The following FAM149A variants were observed in gnomAD, a reference collection of about 807,000 sequenced individuals.
FAM149A encodes the protein family with sequence similarity 149 member A, also known as protein FAM149A.
FAM149A carries 71 observed loss-of-function variants against 78.2 expected under a neutral mutation model. The ratio of observed to expected loss-of-function variants is 0.91; its 90% confidence interval spans 0.75 to 1.11. The LOEUF (loss-of-function observed/expected upper bound fraction) is 1.11. Among genes scored for constraint, FAM149A ranks in the 50% least tolerant of loss-of-function variants. The probability of loss-of-function intolerance (pLI) is 0.00; values close to 1 mark genes in which losing one functional copy is unlikely to be tolerated. For missense variants in FAM149A, 1,036 were observed against 971.0 expected (o/e 1.07, Z -0.89); for synonymous variants, 446 against 410.5 (o/e 1.09, Z -1.04).
rs1473123959 is a variant in FAM149A at position 186,145,111 on chromosome 4, G to A, written c.567-4062G>A. 3.0e-6 allele frequency: 3 copies of A among 985,438 alleles called. No homozygotes were observed. The African/African-American group carries it at 5.2e-5, about 17-fold the overall frequency. The allele number at this position is 985,438 out of a possible 1,614,324, so 61.0% of individuals were successfully genotyped here. On this transcript the variant is annotated intron_variant, in intron 1 of 13. Coordinates refer to ENST00000389354, the MANE Select transcript of FAM149A (RefSeq NM_001367768.3). The stretch of plus-strand genomic sequence containing the variant: ...CACAGGCCCGGGGCTGATCGTAATC[G>A]GGTGAGTCTCATCCGGCAGCAGGGC...
chr4:186,123,586 G>GT (rs1223409435), intron 1 of FAM149A, among the ~76,000 whole-genome samples: 2 of 152,220 alleles, frequency 1.3e-5, no homozygotes, highest in Non-Finnish European at 2.9e-5. Flanking sequence ...CAAGCTCGGT[G>GT]TTTTTTGTGA....
chr4:186,170,524 C>T (rs552494160), intron 13 of FAM149A, among the ~76,000 whole-genome samples: 61 of 152,308 alleles, frequency 4.0e-4, no homozygotes, highest in African/African-American at 1.3e-3. Context: ...CTGTCCGGGG[C>T]CAACCCCCGC....
chr4:186,125,369 T>TGTGGCTC, intron 1 of FAM149A: 1 of 978,122 alleles, frequency 1.0e-6, no homozygotes, highest in Non-Finnish European at 1.2e-6. Flanking sequence ...CCTGCGGAGG[T>TGTGGCTC]CTCTTGATGA....
At chr4:186,129,703 C>T (rs532779410) in intron 1 of FAM149A, among the ~76,000 whole-genome samples, 1 of 151,232 alleles carries the variant, frequency 6.6e-6, no homozygotes. Context: ...GCACAGTCTG[C>T]TATACCAAGC....
chr4:186,161,426 G>A (rs908503379), intron 8 of FAM149A, among the ~76,000 whole-genome samples: 4 of 152,206 alleles, frequency 2.6e-5, no homozygotes, highest in African/African-American at 9.7e-5. Flanking sequence ...TCACTCTCTA[G>A]TGTAAGTCTT....
chr4:186,167,508 A>G (rs1171234400), intron 13 of FAM149A: 1 of 310,322 alleles, frequency 3.2e-6, no homozygotes, highest in Non-Finnish European at 5.6e-6. Flanking sequence ...TGGGGGCCTC[A>G]CTCAAAAAAA....
chr4:186,104,817 C>T lies in FAM149A; in HGVS notation c.-260C>T, dbSNP rs576522615. 6.6e-6 allele frequency among the ~76,000 whole-genome samples: 1 copy of T among 151,112 alleles called. No homozygotes were observed. Among genetic ancestry groups the T allele is most frequent in the African/African-American group, 2.4e-5 (1 of 40,926 alleles). ...CTTCCCGGGGCTCCTGGCCCTTCGG[C>T]CCTCGGGGGTCTCACGGCGCTGGGA... is the stretch of plus-strand genomic sequence containing the variant. On this transcript the variant is annotated 5_prime_UTR_variant, in exon 1 of 14. Coordinates refer to ENST00000389354, the MANE Select transcript of FAM149A (RefSeq NM_001367768.3).
rs566809546 is a variant in FAM149A at position 186,116,515 on chromosome 4, T to A, written c.566+10873T>A. The A allele has an allele frequency of 9.1e-6, 9 of 985,430 alleles. No homozygotes were observed. In the East Asian group the frequency reaches 9.1e-4, roughly 99 times the overall value. 61.0% of individuals were successfully genotyped at this position (985,430 alleles called of 1,614,324 possible). On this transcript the variant is annotated intron_variant, in intron 1 of 13. Transcript: ENST00000389354. ...GTTTTCCATATCGAGTATTTGCTTA[T>A]ACCCGAGAAAACAATTTTGTTCTGT...
At chr4:186,149,520 G>T (rs946967226) in intron 2 of FAM149A, 46 bp from the exon 3 acceptor site, 1 of 1,289,230 alleles carries the variant, frequency 7.8e-7, no homozygotes, top group African/African-American at 1.5e-5. Context: ...AGCCATCCAA[G>T]CCCTTCCAGC....
chr4:186,142,707 C>G (rs1421383675), intron 1 of FAM149A, among the ~76,000 whole-genome samples: 2 of 152,162 alleles, frequency 1.3e-5, no homozygotes, highest in African/African-American at 4.8e-5. Context: ...CAACTGAGCC[C>G]AGACTTCCAG....
At chr4:186,124,230 C>G (rs2099317281) in intron 1 of FAM149A, 1 of 984,696 alleles carries the variant, frequency 1.0e-6, no homozygotes, top group Non-Finnish European at 1.2e-6. Context: ...CTTTCGGTTT[C>G]TTGCCATTTT....
intron 9 of FAM149A, 38 bp from the exon 10 acceptor site, chr4:186,163,386 C>A (rs751258523): frequency 6.5e-7 from 1 of 1,538,830 alleles, no homozygotes. Flanking sequence ...GTTATCACAG[C>A]ACTCGCAGCT....
intron 1 of FAM149A, chr4:186,130,293 C>CTCTCTCTCTCTATATATATATATATA: frequency 8.6e-5 from 4 of 46,592 alleles, no homozygotes; most frequent in East Asian, 1.5e-3. Flanking sequence ...CTCTCTCTCT[C>CTCTCTCTCTCTATATATATATATATA]TATATATATA....
chr4:186,116,739 T>G (rs1396510410), intron 1 of FAM149A: 8 of 980,446 alleles, frequency 8.2e-6, no homozygotes, highest in Non-Finnish European at 9.7e-6. Context: ...CTGGGATATA[T>G]TTAAATCTTG....
chr4:186,120,630 A>T (rs1318428822), intron 1 of FAM149A, among the ~76,000 whole-genome samples: 2 of 150,986 alleles, frequency 1.3e-5, no homozygotes, highest in Non-Finnish European at 3.0e-5. Flanking sequence ...TGTCTCTACT[A>T]AAAAAACACA....
chr4:186,105,384 C>T lies in FAM149A; in HGVS notation c.308C>T (p.Ala103Val), dbSNP rs867931607. The stretch of plus-strand genomic sequence containing the variant: ...CTCTCTTGGCCCAGTAGCCCTAGAG[C>T]GGGTAAAGCCCCGCCCCAGCCCCCC... Residue 103 changes from alanine (A) to valine (V), a missense_variant, in exon 1 of 14, where the codon GCG (alanine) becomes GTG (valine). Around this residue, in one of 3 missense-constraint regions of FAM149A, gnomAD observed 316 missense variants for 241.9 expected, o/e 1.31. Transcript: ENST00000389354. The T allele has an allele frequency of 5.9e-6, 7 of 1,183,486 alleles. No homozygotes were observed. The African/African-American group carries it at 6.7e-5, about 11-fold the overall frequency. The allele number at this position is 1,183,486 out of a possible 1,614,324, so 73.3% of individuals were successfully genotyped here. A position where few individuals can be genotyped will look rare whatever the true frequency, so the allele number is the denominator to read the frequency against.
At chr4:186,116,953 G>A (rs779754449) in intron 1 of FAM149A, 3 of 178,358 alleles carry the variant, frequency 1.7e-5, no homozygotes, top group Non-Finnish European at 3.3e-5. Context: ...ACAGATTGAA[G>A]TCAGATCGAA....
intron 1 of FAM149A, among the ~76,000 whole-genome samples, chr4:186,140,757 T>C (rs2099325458): frequency 6.6e-6 from 1 of 152,182 alleles, no homozygotes; most frequent in Non-Finnish European, 1.5e-5. Flanking sequence ...TCAATTAGGG[T>C]TTAAATAATC....
At chr4:186,137,210 A>T (rs2126393090) in intron 1 of FAM149A, among the ~76,000 whole-genome samples, 1 of 152,132 alleles carries the variant, frequency 6.6e-6, no homozygotes, top group East Asian at 1.9e-4. Context: ...ATCTGGATAA[A>T]GCTGTGTACC....
Sources: allele counts gnomAD v4.1 joint callset (sites outside exome capture counted in the v4.1 genomes callset), GRCh38; gene constraint gnomAD v4.1.1; regional missense constraint gnomAD v4.1.1; transcripts MANE v1.5; gene names NCBI Gene and HGNC (gene_info 2026-07-23, HGNC 2026-07-21).